The following APH1B variants were observed in gnomAD, a reference collection of about 807,000 sequenced individuals.
APH1B encodes aph-1B gamma-secretase subunit, also known as gamma-secretase subunit APH-1B.
In APH1B, 27 loss-of-function variants were observed where a neutral mutation model predicts 28.2. That is an observed-to-expected ratio of 0.96 (90% confidence interval 0.70 to 1.32). The LOEUF is 1.32. Among genes scored for constraint, APH1B ranks in the 40% most tolerant of loss-of-function variants. APH1B has a pLI of 0.00. For synonymous variants in APH1B, 141 were observed against 124.6 expected (o/e 1.13, Z -0.88); for missense variants, 305 against 313.6 (o/e 0.97, Z 0.21).
chr15:63,288,805 C>G (rs1237808565), intron 4 of APH1B, among the ~76,000 whole-genome samples: 2 of 152,118 alleles, frequency 1.3e-5, no homozygotes, highest in Non-Finnish European at 2.9e-5. Context: ...GTCTTTAAAA[C>G]AAATGTAATA....
At chr15:63,277,875 G>A in intron 1 of APH1B, 139 bp downstream of exon 1, 8 of 834,104 alleles carry the variant, frequency 9.6e-6, no homozygotes, top group Non-Finnish European at 1.4e-5. Context: ...GGGGAGAGCG[G>A]AGATCCGGCT....
chr15:63,286,531 T>C, intron 2 of APH1B, 27 bp from the exon 3 acceptor site: 2 of 1,535,224 alleles, frequency 1.3e-6, no homozygotes, highest in Non-Finnish European at 8.8e-7. Flanking sequence ...TTTTTTCTTC[T>C]TAATTACATG....
chr15:63,282,040 G>A (rs1019979175), intron 2 of APH1B, among the ~76,000 whole-genome samples: 5 of 152,078 alleles, frequency 3.3e-5, no homozygotes, highest in Non-Finnish European at 5.9e-5. Flanking sequence ...CATCTTTTAC[G>A]AGCCTTTAGA....
chr15:63,285,711 A>T (rs903545806), intron 2 of APH1B, among the ~76,000 whole-genome samples: 2 of 152,170 alleles, frequency 1.3e-5, no homozygotes, highest in Admixed American at 1.3e-4. Context: ...GATGCAAGTG[A>T]TCCTCCTGCC....
In APH1B at chr15:63,305,611, C is replaced by T; in HGVS notation, c.607-3C>T. The T allele has an allele frequency of 6.2e-7, 1 of 1,613,810 alleles. No individual in the cohort carries two copies. Among genetic ancestry groups the T allele is most frequent in the South Asian group, 1.1e-5 (1 of 90,986 alleles). Reference sequence around the variant, plus strand: ...CCCAAGCTGATTTATTTTTCTTTTGCAGACCTTCATAAGTTCTTATTATGG... The same window carrying T: ...CCCAAGCTGATTTATTTTTCTTTTGTAGACCTTCATAAGTTCTTATTATGG... On this transcript the variant is annotated splice_region_variant and splice_polypyrimidine_tract_variant and intron_variant, in intron 5 of 5. Coordinates refer to ENST00000261879, the MANE Select transcript of APH1B (RefSeq NM_031301.4).
intron 5 of APH1B, among the ~76,000 whole-genome samples, chr15:63,303,874 A>AACAC (rs113837395): frequency 0.35 from 50,545 of 145,496 alleles, 9,565 homozygotes; most frequent in Middle Eastern, 0.51. Context: ...ACACACACAC[A>AACAC]ACACACACAC....
chr15:63,287,755 G>C (rs73445412), intron 4 of APH1B, among the ~76,000 whole-genome samples: 1 of 152,138 alleles, frequency 6.6e-6, no homozygotes, highest in African/African-American at 2.4e-5. Context: ...TTTAGCTTGC[G>C]TAAAATTTTA....
At chr15:63,292,320 T>G (rs1013586514) in intron 4 of APH1B, among the ~76,000 whole-genome samples, 1 of 152,268 alleles carries the variant, frequency 6.6e-6, no homozygotes, top group African/African-American at 2.4e-5. Context: ...TGCTACTGTT[T>G]ATGATACAGT....
At chr15:63,298,129 G>T (rs970816589) in intron 4 of APH1B, among the ~76,000 whole-genome samples, 8 of 152,102 alleles carry the variant, frequency 5.3e-5, no homozygotes, top group Non-Finnish European at 1.0e-4. Flanking sequence ...AAGAGGGGAG[G>T]AAGAAAATAA....
At position 63,279,247 on chromosome 15, in the gene APH1B, C is replaced by T. The variant is rs200331815; in HGVS notation, c.200C>T (p.Thr67Ile). The T allele has an allele frequency of 3.1e-6, 5 of 1,613,336 alleles. No homozygotes were observed. Among genetic ancestry groups the T allele is most frequent in the South Asian group, 1.1e-5 (1 of 91,034 alleles). ...RVIIDNKDGP[T>I]QKYLLIFGAF... ...ATTATTGACAACAAAGATGGACCAA[C>T]ACAGAAATATCTGCTGATCTTTGGA... Residue 67 changes from threonine (T) to isoleucine (I), a missense_variant, in exon 2 of 6, where the codon ACA becomes ATA. Transcript: ENST00000261879.
intron 2 of APH1B, among the ~76,000 whole-genome samples, chr15:63,283,324 G>T (rs941735013): frequency 2.0e-5 from 3 of 152,174 alleles, no homozygotes; most frequent in African/African-American, 7.2e-5. Context: ...CGCCTCCGGG[G>T]CTCAAGCAAT....
At chr15:63,282,370 C>T (rs1403979560) in intron 2 of APH1B, among the ~76,000 whole-genome samples, 1 of 152,100 alleles carries the variant, frequency 6.6e-6, no homozygotes, top group Non-Finnish European at 1.5e-5. Flanking sequence ...TCAAAATATT[C>T]ATTGCAATCT....
In APH1B at chr15:63,306,809, C is replaced by A. The variant is rs2038692061; in HGVS notation, c.*1028C>A. 6.6e-6 allele frequency: 1 copy of A among 152,246 alleles called. No homozygotes were observed. The highest frequency in any genetic ancestry group is 1.5e-5 in the Non-Finnish European group (1 of 68,052). The allele number at this position is 152,246 out of a possible 1,614,324, so 9.4% of individuals were successfully genotyped here. ...GCTCCTGTGATACTAACAACACTTT[C>A]ACCCAAATGGCTTAATGTAATATTG... On this transcript the variant is annotated 3_prime_UTR_variant, in exon 6 of 6. Transcript: ENST00000261879.
chr15:63,291,954 T>C (rs1291735623), intron 4 of APH1B: 1 of 152,328 alleles, frequency 6.6e-6, no homozygotes, highest in African/African-American at 2.4e-5. Context: ...GTTTTCCAGC[T>C]GATCCCAGCC....
intron 4 of APH1B, among the ~76,000 whole-genome samples, 159 bp from the exon 5 acceptor site, chr15:63,302,186 G>C (rs1349944670): frequency 1.3e-5 from 2 of 152,168 alleles, no homozygotes; most frequent in African/African-American, 4.8e-5. Context: ...CTGTTCCGCA[G>C]TGTTGCTTTT....
At chr15:63,299,978 G>A (rs773170443) in intron 4 of APH1B, among the ~76,000 whole-genome samples, 20 of 152,072 alleles carry the variant, frequency 1.3e-4, no homozygotes, top group African/African-American at 3.4e-4. Flanking sequence ...GACTCCAGAC[G>A]TGAAGGTGCT....
chr15:63,277,775 C>A (rs2038340538), intron 1 of APH1B, 39 bp downstream of exon 1: 2 of 1,583,702 alleles, frequency 1.3e-6, no homozygotes, highest in Admixed American at 1.7e-5. Context: ...CGCCGGGGCT[C>A]CCCTCCCCCG....
At position 63,306,894 on chromosome 15, in the gene APH1B, C is replaced by A. The variant is rs1177079300; in HGVS notation, c.*1113C>A. The A allele has an allele frequency of 6.6e-6, 1 of 152,228 alleles. No homozygotes were observed. The highest frequency in any genetic ancestry group is 1.5e-5 in the Non-Finnish European group (1 of 68,038). The allele number at this position is 152,228 out of a possible 1,614,324, so 9.4% of individuals were successfully genotyped here. A position where few individuals can be genotyped will look rare whatever the true frequency, so the allele number is the denominator to read the frequency against. ...TGCATAATCCATATGCTCTTTAGAT[C>A]TAGTCAGTGTCTCTGGGTTTTGGTA... On this transcript the variant is annotated 3_prime_UTR_variant, in exon 6 of 6. Coordinates refer to ENST00000261879, the MANE Select transcript of APH1B (RefSeq NM_031301.4).
intron 4 of APH1B, among the ~76,000 whole-genome samples, chr15:63,290,370 G>C (rs534056909): frequency 5.3e-4 from 80 of 152,264 alleles, no homozygotes; most frequent in Middle Eastern, 6.8e-3. Flanking sequence ...ATGGGAATTG[G>C]AATCCTAGGT....
Sources: allele counts gnomAD v4.1 joint callset (sites outside exome capture counted in the v4.1 genomes callset), GRCh38; gene constraint gnomAD v4.1.1; transcripts MANE v1.5; gene names NCBI Gene and HGNC (gene_info 2026-07-23, HGNC 2026-07-21).